The following SUGCT variants were observed in gnomAD, a reference collection of about 807,000 sequenced individuals.
The protein encoded by SUGCT is succinyl-CoA:glutarate CoA-transferase.
SUGCT carries 41 observed loss-of-function variants against 55.0 expected under a neutral mutation model. The ratio of observed to expected loss-of-function variants is 0.74; its 90% CI spans 0.58 to 0.97. SUGCT has a LOEUF of 0.97. Ranked by LOEUF, SUGCT falls within the 50% of genes least tolerant of loss-of-function variation. The pLI is 0.00. For missense variants in SUGCT, 568 were observed against 547.8 expected (o/e 1.04, Z -0.37); for synonymous variants, 187 against 200.4 (o/e 0.93, Z 0.56).
At chr7:40,811,604 T>A (rs964372433) in intron 13 of SUGCT, among the ~76,000 whole-genome samples, 1 of 152,156 alleles carries the variant, frequency 6.6e-6, no homozygotes, top group African/African-American at 2.4e-5. Flanking sequence ...CTGCTGATTT[T>A]TGTACATGGA....
At chr7:40,782,990 T>C (rs1160219726) in intron 13 of SUGCT, among the ~76,000 whole-genome samples, 1 of 152,166 alleles carries the variant, frequency 6.6e-6, no homozygotes, top group Admixed American at 6.5e-5. Context: ...AAAACTTCCA[T>C]GTGACTCTGC....
At chr7:40,931,415 A>G in the SUGCT span, among the ~76,000 whole-genome samples, 14 of 152,164 alleles carry the variant, frequency 9.2e-5, no homozygotes, top group African/African-American at 2.7e-4. Context: ...CGGCTTTGGT[A>G]TCAGGATGAT....
chr7:40,589,109 C>G (rs1321601098), intron 12 of SUGCT, among the ~76,000 whole-genome samples: 1 of 151,932 alleles, frequency 6.6e-6, no homozygotes, highest in African/African-American at 2.4e-5. Flanking sequence ...GCTTGTCACT[C>G]TGTTTAGTAA....
intron 9 of SUGCT, among the ~76,000 whole-genome samples, chr7:40,420,487 C>T (rs1304973162): frequency 5.9e-5 from 9 of 151,926 alleles, no homozygotes; most frequent in Admixed American, 3.3e-4. Context: ...TACAGGTGCC[C>T]GCCACCATGC....
chr7:40,375,687 T>G (rs139228611), intron 9 of SUGCT, among the ~76,000 whole-genome samples: 1 of 148,548 alleles, frequency 6.7e-6, no homozygotes, highest in African/African-American at 2.5e-5. Flanking sequence ...AGTCCTGTAC[T>G]AATTTTCACC....
chr7:40,172,146 C>G (rs1397651707), intron 1 of SUGCT, among the ~76,000 whole-genome samples: 2 of 152,162 alleles, frequency 1.3e-5, no homozygotes, highest in African/African-American at 4.8e-5. Context: ...ATTATGTTGT[C>G]ATAGACCCAG....
At chr7:40,942,302 C>G in the SUGCT span, among the ~76,000 whole-genome samples, 1 of 152,014 alleles carries the variant, frequency 6.6e-6, no homozygotes, top group Non-Finnish European at 1.5e-5. Context: ...AGATACTTTA[C>G]TTTTGCATAA....
chr7:40,779,283 C>T (rs1789610957), intron 13 of SUGCT, among the ~76,000 whole-genome samples: 1 of 152,206 alleles, frequency 6.6e-6, no homozygotes, highest in African/African-American at 2.4e-5. Context: ...TATCTTTCCT[C>T]TTGCTATAAG....
chr7:40,148,410 T>A lies in SUGCT; in HGVS notation c.100+13290T>A, dbSNP rs563494918. 6.6e-5 allele frequency among the ~76,000 whole-genome samples: 10 copies of A among 152,142 alleles called. No individual in the cohort carries two copies. The South Asian group carries it at 2.1e-3, about 32-fold the overall frequency. On this transcript the variant is annotated intron_variant, in intron 1 of 13. Coordinates refer to ENST00000335693, the MANE Select transcript of SUGCT (RefSeq NM_001193313.2). ...TTGTAATCCCAGCACCTTGGGAGGC[T>A]GAGGTGGGCGGATCACCTGAGGTCG...
chr7:40,616,596 G>A (rs1205582980), intron 12 of SUGCT, among the ~76,000 whole-genome samples: 1 of 152,216 alleles, frequency 6.6e-6, no homozygotes, highest in South Asian at 2.1e-4. Flanking sequence ...TATCCTCAGA[G>A]ACAAAGCAAA....
At chr7:40,987,888 CTATGTGAAATCATTCT>C in the SUGCT span, among the ~76,000 whole-genome samples, 1 of 152,022 alleles carries the variant, frequency 6.6e-6, no homozygotes, top group Non-Finnish European at 1.5e-5. Context: ...TGATCTGGGT[CTATGTGAAATCATTCT>C]TAAAACGTAG....
At chr7:40,305,774 T>A (rs1794820954) in intron 8 of SUGCT, among the ~76,000 whole-genome samples, 1 of 152,004 alleles carries the variant, frequency 6.6e-6, no homozygotes, top group African/African-American at 2.4e-5. Context: ...CAATCCTCCC[T>A]TCTCAGTCTC....
At chr7:40,223,014 C>T (rs1584384547) in intron 6 of SUGCT, among the ~76,000 whole-genome samples, 2 of 149,742 alleles carry the variant, frequency 1.3e-5, no homozygotes, top group Admixed American at 6.7e-5. Flanking sequence ...TCCTTCCTTC[C>T]TTCCTTCCTT....
intron 7 of SUGCT, among the ~76,000 whole-genome samples, chr7:40,244,785 A>G (rs1789705472): frequency 6.6e-6 from 1 of 152,206 alleles, no homozygotes; most frequent in African/African-American, 2.4e-5. Context: ...CATAAGATAC[A>G]TAAGTAGGTG....
At chr7:40,272,178 ATATATATATAT>A (rs1792099799) in intron 7 of SUGCT, among the ~76,000 whole-genome samples, 2 of 69,798 alleles carry the variant, frequency 2.9e-5, no homozygotes, top group East Asian at 7.8e-4. Flanking sequence ...ATATATATAT[ATATATATATAT>A]ATATACAGGG....
intron 6 of SUGCT, among the ~76,000 whole-genome samples, chr7:40,235,863 G>A (rs971784431): frequency 6.6e-6 from 1 of 152,108 alleles, no homozygotes; most frequent in Non-Finnish European, 1.5e-5. Flanking sequence ...AAAAGGTTGA[G>A]GGAGAGTCTT....
chr7:40,609,509 G>A (rs1309247953), intron 12 of SUGCT, among the ~76,000 whole-genome samples: 1 of 147,774 alleles, frequency 6.8e-6, no homozygotes, highest in Non-Finnish European at 1.5e-5. Flanking sequence ...GGAGCTTACA[G>A]TAAGCAGATT....
At chr7:40,924,355 C>A in the SUGCT span, among the ~76,000 whole-genome samples, 1 of 151,716 alleles carries the variant, frequency 6.6e-6, no homozygotes, top group Non-Finnish European at 1.5e-5. Flanking sequence ...ATCCCCCCAC[C>A]TCAGCTTCCA....
chr7:40,816,726 T>G (rs1791690267), intron 13 of SUGCT, among the ~76,000 whole-genome samples: 1 of 152,222 alleles, frequency 6.6e-6, no homozygotes, highest in African/African-American at 2.4e-5. Flanking sequence ...GGTGGGGTAG[T>G]TGGTCAATTT....
Sources: allele counts gnomAD v4.1 joint callset (sites outside exome capture counted in the v4.1 genomes callset), GRCh38; gene constraint gnomAD v4.1.1; transcripts MANE v1.5; gene names NCBI Gene and HGNC (gene_info 2026-07-23, HGNC 2026-07-21).